Variants in ADGB observed in about 807,000 individuals in gnomAD.
The protein encoded by ADGB is androglobin.
ADGB carries 172 observed loss-of-function variants against 210.5 expected under a neutral mutation model. The ratio of observed to expected loss-of-function variants is 0.82; its 90% CI spans 0.72 to 0.93. ADGB has a LOEUF of 0.93. Ranked by LOEUF, ADGB falls within the 40% of genes least tolerant of loss-of-function variation. The pLI, the probability that ADGB is intolerant of heterozygous loss-of-function variation, is 0.00. For synonymous variants in ADGB, 658 were observed against 662.7 expected (o/e 0.99, Z 0.11); for missense variants, 2,025 against 1,964.8 (o/e 1.03, Z -0.58).
chr6:146,752,589 C>G lies in ADGB; in HGVS notation c.3425C>G (p.Pro1142Arg). 6.4e-7 allele frequency: 1 copy of G among 1,550,794 alleles called. No individual in the cohort carries two copies. Among genetic ancestry groups the G allele is most frequent in the Non-Finnish European group, 8.7e-7 (1 of 1,146,420 alleles). ...PATIQVRTSK[P>R]DAFIKLQVLE... ...ACAATACAGGTACGCACATCCAAAC[C>G]AGATGCATTCATCAAGCTGCAGGTC... Residue 1142 changes from proline (P) to arginine (R), a missense_variant, in exon 27 of 36, where the codon CCA (proline) becomes CGA (arginine). By Grantham distance (103) the Pro-to-Arg change is moderately radical (BLOSUM62 -2). Transcript: ENST00000397944.
chr6:146,704,986 T>C (rs1776547072), intron 13 of ADGB, among the ~76,000 whole-genome samples: 1 of 152,160 alleles, frequency 6.6e-6, no homozygotes, highest in Admixed American at 6.5e-5. Flanking sequence ...TTCCATTTAT[T>C]TGAGTCTTAT....
At position 146,757,056 on chromosome 6, in the gene ADGB, A is replaced by G. The variant is rs1777417671; in HGVS notation, c.3550+4342A>G. Among the ~76,000 whole-genome samples, 4 of 152,022 alleles carry G rather than the reference A, an allele frequency of 2.6e-5. No homozygotes were observed. The South Asian group carries it at 8.3e-4, about 32-fold the overall frequency. On this transcript the variant is annotated intron_variant, in intron 27 of 35. Transcript: ENST00000397944. ...TTTGAATGCCTGTAATGATTTACCC[A>G]TAATTCATCAACAAATATGATTGAG...
At chr6:146,635,797 T>A (rs1020228002) in intron 2 of ADGB, among the ~76,000 whole-genome samples, 1 of 151,824 alleles carries the variant, frequency 6.6e-6, no homozygotes, top group Non-Finnish European at 1.5e-5. Flanking sequence ...AAAGGAAAAA[T>A]TAAGAGATAG....
intron 4 of ADGB, 114 bp downstream of exon 4, chr6:146,654,320 T>TTATA (rs34737176): frequency 4.9e-5 from 17 of 350,144 alleles, no homozygotes; most frequent in Non-Finnish European, 7.4e-5. Context: ...AGTTTTGGTA[T>TTATA]TATATATATA....
At chr6:146,635,595 G>A in intron 2 of ADGB, 58 bp downstream of exon 2, 1 of 1,423,116 alleles carries the variant, frequency 7.0e-7, no homozygotes, top group Non-Finnish European at 9.3e-7. Context: ...ATAATGGAAT[G>A]AGATTTGTAA....
Position 146,650,639 on chromosome 6 carries a change from G to A in ADGB, c.331-3496G>A, listed in dbSNP as rs372528892. 4.1e-3 allele frequency among the ~76,000 whole-genome samples: 527 copies of A among 129,260 alleles called. 4 individuals carry two copies. The highest frequency in any genetic ancestry group is 0.015 in the African/African-American group (499 of 32,446). The allele number at this position is 129,260 out of a possible 152,430, so 84.8% of individuals were successfully genotyped here. On this transcript the variant is annotated intron_variant, in intron 3 of 35. Transcript: ENST00000397944. The stretch of plus-strand genomic sequence containing the variant: ...AAAAAAAAAAAAAAAAAAAAATCAG[G>A]GGCCAGGATTTTGGAAATAGTTTCT...
intron 1 of ADGB, among the ~76,000 whole-genome samples, chr6:146,599,567 C>A (rs555200516): frequency 2.0e-5 from 3 of 152,194 alleles, no homozygotes; most frequent in Non-Finnish European, 2.9e-5. Context: ...CCCAGTCCAA[C>A]GACTACGATC....
At chr6:146,731,895 G>A (rs1776993431) in intron 20 of ADGB, among the ~76,000 whole-genome samples, 1 of 152,122 alleles carries the variant, frequency 6.6e-6, no homozygotes, top group Non-Finnish European at 1.5e-5. Context: ...CTGCAAATGG[G>A]TCATGTCAGA....
At chr6:146,649,311 T>C (rs1775664102) in intron 3 of ADGB, among the ~76,000 whole-genome samples, 1 of 151,880 alleles carries the variant, frequency 6.6e-6, no homozygotes, top group African/African-American at 2.4e-5. Context: ...GTTAGTCTTA[T>C]TTGTTTTAAA....
Position 146,656,944 on chromosome 6 carries a change from T to A in ADGB, c.576T>A (p.Asn192Lys). The change falls in exon 5 of 36, where the codon AAT becomes AAA. Residue 192 changes from asparagine to lysine, a missense_variant. Physicochemically the swap from Asn to Lys is moderately conservative, Grantham distance 94. Coordinates refer to ENST00000397944, the MANE Select transcript of ADGB (RefSeq NM_024694.4). The stretch of plus-strand genomic sequence containing the variant: ...TGAAGGGTCATATGCCTTTGTTCAA[T>A]AGCTATGGAAAGTATGTTGTGAAAC... ...KAVKGHMPLF[N>K]SYGKYVVKLY... 5 of 1,551,556 alleles carry A rather than the reference T, an allele frequency of 3.2e-6. No homozygotes were observed. The highest frequency in any genetic ancestry group is 4.4e-6 in the Non-Finnish European group (5 of 1,146,864).
intron 33 of ADGB, among the ~76,000 whole-genome samples, chr6:146,800,901 A>G (rs1388666081): frequency 2.6e-5 from 4 of 152,130 alleles, no homozygotes; most frequent in South Asian, 2.1e-4. Flanking sequence ...ATGGAGACTA[A>G]TTCTCCTCCA....
chr6:146,636,933 T>G (rs1775431986), intron 2 of ADGB, among the ~76,000 whole-genome samples: 1 of 152,038 alleles, frequency 6.6e-6, no homozygotes, highest in African/African-American at 2.4e-5. Context: ...GAAATCAGCC[T>G]CAGATGAATT....
rs188811441 is a variant in ADGB at position 146,607,404 on chromosome 6, G to A, written c.74+8290G>A. 6.2e-4 allele frequency among the ~76,000 whole-genome samples: 95 copies of A among 152,224 alleles called. 1 individual carries two copies. Among genetic ancestry groups the A allele is most frequent in the African/African-American group, 2.1e-3 (89 of 41,532 alleles). On this transcript the variant is annotated intron_variant, in intron 1 of 35. Transcript: ENST00000397944. The stretch of plus-strand genomic sequence containing the variant: ...TTTTATTTATTTTTCTTGCCTGATT[G>A]CTCTGGCTAGGACTTCCAGAGTGAT...
At position 146,769,019 on chromosome 6, in the gene ADGB, G is replaced by A. The variant is rs769823816; in HGVS notation, c.3751-1G>A. The A allele has an allele frequency of 2.7e-5, 39 of 1,442,204 alleles. No homozygotes were observed. Among genetic ancestry groups the A allele is most frequent in the Non-Finnish European group, 4.7e-6 (5 of 1,064,266 alleles). The allele number at this position is 1,442,204 out of a possible 1,614,324, so 89.3% of individuals were successfully genotyped here. On this transcript the variant is annotated splice_acceptor_variant, in intron 28 of 35. Coordinates refer to ENST00000397944, the MANE Select transcript of ADGB (RefSeq NM_024694.4). LOFTEE classifies it high-confidence loss of function. Reference sequence around the variant, plus strand: ...TTTAAACACTGCATTTTATTTCACAGAATTACAAGTATATTATACAGTGTT... The same window carrying A: ...TTTAAACACTGCATTTTATTTCACAAAATTACAAGTATATTATACAGTGTT...
chr6:146,720,675 T>C (rs759087863), intron 16 of ADGB, among the ~76,000 whole-genome samples: 4 of 152,086 alleles, frequency 2.6e-5, no homozygotes, highest in Non-Finnish European at 2.9e-5. Context: ...TTTACAGTCA[T>C]GGTGGAAGGC....
At chr6:146,720,517 T>TA (rs1216403795) in intron 16 of ADGB, among the ~76,000 whole-genome samples, 4 of 152,226 alleles carry the variant, frequency 2.6e-5, no homozygotes, top group Non-Finnish European at 5.9e-5. Context: ...CAGCCTGCTG[T>TA]ATCAGCAAGC....
At position 146,769,115 on chromosome 6, in the gene ADGB, G is replaced by T; in HGVS notation, c.3846G>T (p.Lys1282Asn). ...LTFVQALKDLKKSNTKAYGER... is the reference protein window; with the variant it reads ...LTFVQALKDLNKSNTKAYGER... ...TTGTTCAAGCACTGAAAGACTTAAA[G>T]AAAAGTAATACCAAAGGTATGTCAC... is the stretch of plus-strand genomic sequence containing the variant. The change falls in exon 29 of 36, where the codon AAG becomes AAT. Residue 1282 changes from lysine (K) to asparagine (N), a missense_variant. Physicochemically the swap from Lys to Asn is moderately conservative, Grantham distance 94. Coordinates refer to ENST00000397944, the MANE Select transcript of ADGB (RefSeq NM_024694.4). The T allele has an allele frequency of 6.6e-7, 1 of 1,520,054 alleles. No homozygotes were observed. Among genetic ancestry groups the T allele is most frequent in the Non-Finnish European group, 8.9e-7 (1 of 1,124,416 alleles). The allele number at this position is 1,520,054 out of a possible 1,614,324, so 94.2% of individuals were successfully genotyped here. A position where few individuals can be genotyped will look rare whatever the true frequency, so the allele number is the denominator to read the frequency against.
intron 26 of ADGB, among the ~76,000 whole-genome samples, chr6:146,748,790 G>A (rs978067048): frequency 1.5e-4 from 23 of 152,224 alleles, no homozygotes; most frequent in African/African-American, 5.3e-4. Context: ...ATGTTGACCA[G>A]GCTGGTCTCA....
Position 146,691,411 on chromosome 6 carries a change from A to ATATATATATATATAT in ADGB, c.1486+121_1486+122insTATATATATATATAT, listed in dbSNP as rs1776305900. 14 of 98,222 alleles carry ATATATATATATATAT rather than the reference A, an allele frequency of 1.4e-4. 1 individual carries two copies. The highest frequency in any genetic ancestry group is 1.2e-3 in the African/African-American group (10 of 8,554). The allele number at this position is 98,222 out of a possible 1,614,324, so 6.1% of individuals were successfully genotyped here. A position where few individuals can be genotyped will look rare whatever the true frequency, so the allele number is the denominator to read the frequency against. On this transcript the variant is annotated intron_variant, in intron 11 of 35. Coordinates refer to ENST00000397944, the MANE Select transcript of ADGB (RefSeq NM_024694.4). ...AACATTGCTTCTAAAGCCTATGTTT[A>ATATATATATATATAT]ATATATATATATATATATATATATA...
Sources: gnomAD v4.1 joint callset for allele counts (sites outside exome capture counted in the v4.1 genomes callset) on GRCh38, gnomAD v4.1.1 for gene constraint, MANE v1.5 for transcripts, NCBI Gene and HGNC (gene_info 2026-07-23, HGNC 2026-07-21) for gene names.